TNNI3K: variants seen among roughly 807,000 people sequenced by gnomAD.
TNNI3K encodes the protein serine/threonine-protein kinase TNNI3K.
TNNI3K carries 140 observed loss-of-function variants against 114.5 expected under a neutral mutation model. The observed-to-expected ratio is 1.22, with a 90% CI of 1.07 to 1.41. The LOEUF (loss-of-function observed/expected upper bound fraction) is 1.41. Ranked by LOEUF, TNNI3K falls within the 40% of genes most tolerant of loss-of-function variation. The pLI, the probability that TNNI3K is intolerant of heterozygous loss-of-function variation, is 0.00. For synonymous variants in TNNI3K, 347 were observed against 347.5 expected, an observed-to-expected ratio of 1.00 and a Z score of 0.02; for missense variants, 1,125 against 1,007.6, an observed-to-expected ratio of 1.12 and a Z score of -1.58.
At chr1:74,452,021 A>G (rs1342672158) in intron 20 of TNNI3K, among the ~76,000 whole-genome samples, 1 of 152,026 alleles carries the variant, frequency 6.6e-6, no homozygotes. Context: ...TAAACCTGAT[A>G]TATTACCATT....
At chr1:74,237,779 G>C (rs903706936) in intron 2 of TNNI3K, among the ~76,000 whole-genome samples, 3 of 152,010 alleles carry the variant, frequency 2.0e-5, no homozygotes, top group African/African-American at 4.8e-5. Context: ...TCCAGAATTT[G>C]TTGAGTGCCA....
intron 23 of TNNI3K, among the ~76,000 whole-genome samples, chr1:74,531,774 A>G (rs1047346558): frequency 6.6e-6 from 1 of 152,204 alleles, no homozygotes; most frequent in Admixed American, 6.5e-5. Flanking sequence ...GATAACTTCT[A>G]AGTTAGAGAT....
chr1:74,497,883 C>T (rs1332811992), intron 23 of TNNI3K, among the ~76,000 whole-genome samples: 1 of 152,158 alleles, frequency 6.6e-6, no homozygotes, highest in Non-Finnish European at 1.5e-5. Context: ...CTCAGTGATA[C>T]ACGTTTTCAT....
In TNNI3K at chr1:74,394,353, C is replaced by T. The variant is rs531240407; in HGVS notation, c.1772+23961C>T. Among the ~76,000 whole-genome samples the T allele has an allele frequency of 2.3e-4, 35 of 152,228 alleles. No individual in the cohort carries two copies. The East Asian group carries it at 2.7e-3, about 12-fold the overall frequency. On this transcript the variant is annotated intron_variant, in intron 17 of 24. Transcript: ENST00000326637. The stretch of plus-strand genomic sequence containing the variant: ...TCTGTCTCTTTTAGAGCGTGCTTAA[C>T]CATGCTTCCCTAAAGTGAATAACTC...
At chr1:74,257,670 T>TACC (rs1655406114) in intron 4 of TNNI3K, among the ~76,000 whole-genome samples, 1 of 134,550 alleles carries the variant, frequency 7.4e-6, no homozygotes, top group African/African-American at 2.8e-5. Flanking sequence ...CCTCTTTTTT[T>TACC]TTTTTTTTTT....
At chr1:74,531,571 C>A (rs1158161074) in intron 23 of TNNI3K, among the ~76,000 whole-genome samples, 2 of 152,170 alleles carry the variant, frequency 1.3e-5, no homozygotes, top group African/African-American at 4.8e-5. Flanking sequence ...CAGCTAAATG[C>A]CAAAAGGATG....
intron 6 of TNNI3K, among the ~76,000 whole-genome samples, chr1:74,333,502 G>T (rs1300642476): frequency 6.6e-6 from 1 of 152,206 alleles, no homozygotes; most frequent in Non-Finnish European, 1.5e-5. Context: ...CTGTATGCAT[G>T]TTGGGTGGAG....
chr1:74,407,815 G>C (rs1664690102), intron 17 of TNNI3K, among the ~76,000 whole-genome samples: 1 of 152,082 alleles, frequency 6.6e-6, no homozygotes, highest in African/African-American at 2.4e-5. Context: ...TCTACAAAGT[G>C]ATGTAAGGGG....
chr1:74,305,028 TATG>T (rs1423031890), intron 5 of TNNI3K, among the ~76,000 whole-genome samples: 2 of 152,140 alleles, frequency 1.3e-5, no homozygotes, highest in Non-Finnish European at 2.9e-5. Context: ...ATTATAATAA[TATG>T]GTAATGAGAT....
intron 20 of TNNI3K, 61 bp from the exon 21 acceptor site, chr1:74,463,380 T>C: frequency 6.4e-7 from 1 of 1,572,092 alleles, no homozygotes; most frequent in Non-Finnish European, 8.8e-7. Context: ...GTGTGTGTCT[T>C]CATTTGTTGC....
intron 5 of TNNI3K, among the ~76,000 whole-genome samples, chr1:74,278,222 G>A (rs949208428): frequency 6.6e-6 from 1 of 152,034 alleles, no homozygotes; most frequent in African/African-American, 2.4e-5. Context: ...CTTGTGAATA[G>A]GCAATAGTCC....
chr1:74,342,998 G>T lies in TNNI3K; in HGVS notation c.827+12G>T, dbSNP rs757694129. The T allele has an allele frequency of 6.2e-7, 1 of 1,613,706 alleles. No individual in the cohort carries two copies. On this transcript the variant is annotated intron_variant, in intron 8 of 24. Coordinates refer to ENST00000326637, the MANE Select transcript of TNNI3K (RefSeq NM_015978.3). Reference sequence around the variant, plus strand: ...ACCCCCTTACACCTGTGAGTATTATGTAGCATTCCATAGGTTCTCCAGGTA... The same window carrying T: ...ACCCCCTTACACCTGTGAGTATTATTTAGCATTCCATAGGTTCTCCAGGTA...
In TNNI3K at chr1:74,544,005, G is replaced by A. The variant is rs865838799; in HGVS notation, c.*23G>A. ...TGACAGCATTCGGCGTATACCTAAG[G>A]AGAGTTTTTTCCCCGAACTGACAGC... On this transcript the variant is annotated 3_prime_UTR_variant, in exon 25 of 25. Transcript: ENST00000326637. 5.0e-6 allele frequency: 8 copies of A among 1,603,348 alleles called. No homozygotes were observed. The highest frequency in any genetic ancestry group is 6.0e-6 in the Non-Finnish European group (7 of 1,176,062).
chr1:74,343,307 G>T (rs1660842986), intron 9 of TNNI3K, 128 bp downstream of exon 9: 7 of 1,038,318 alleles, frequency 6.7e-6, no homozygotes, highest in Non-Finnish European at 9.9e-6. Flanking sequence ...CAGAGGTAGG[G>T]CAGAGGACAA....
At chr1:74,339,182 C>G (rs3765664) in intron 7 of TNNI3K, among the ~76,000 whole-genome samples, 3 of 152,112 alleles carry the variant, frequency 2.0e-5, no homozygotes, top group East Asian at 1.9e-4. Context: ...ACCATATTCC[C>G]CTTACATACC....
intron 6 of TNNI3K, among the ~76,000 whole-genome samples, chr1:74,332,489 A>G (rs1660255710): frequency 1.3e-5 from 2 of 151,938 alleles, no homozygotes; most frequent in African/African-American, 4.8e-5. Context: ...TTTAGTAGAG[A>G]CGGGGTTTCA....
chr1:74,325,848 T>C (rs1255414119), intron 5 of TNNI3K, among the ~76,000 whole-genome samples: 1 of 152,206 alleles, frequency 6.6e-6, no homozygotes, highest in African/African-American at 2.4e-5. Context: ...AAATCAACTT[T>C]CATGCTAATG....
intron 5 of TNNI3K, among the ~76,000 whole-genome samples, chr1:74,287,612 C>G (rs960262142): frequency 2.0e-5 from 3 of 152,078 alleles, no homozygotes; most frequent in African/African-American, 7.2e-5. Flanking sequence ...ATGTTAAGGG[C>G]TGAAACTTTA....
intron 23 of TNNI3K, among the ~76,000 whole-genome samples, chr1:74,497,425 T>C (rs763189029): frequency 7.9e-5 from 12 of 152,070 alleles, no homozygotes; most frequent in Non-Finnish European, 1.5e-4. Flanking sequence ...CATCCCTAAC[T>C]TCTTGTCAAC....
Sources: allele counts gnomAD v4.1 joint callset (sites outside exome capture counted in the v4.1 genomes callset), GRCh38; gene constraint gnomAD v4.1.1; transcripts MANE v1.5; gene names NCBI Gene and HGNC (gene_info 2026-07-23, HGNC 2026-07-21).